The following TTYH1 variants were observed in gnomAD, a reference collection of about 807,000 sequenced individuals.
TTYH1 encodes tweety family member 1.
In TTYH1, 33 loss-of-function variants were observed where a neutral mutation model predicts 61.2. The observed-to-expected ratio is 0.54, with a 90% CI of 0.41 to 0.72. The LOEUF (loss-of-function observed/expected upper bound fraction) is 0.72, where lower values mean the gene tolerates loss of function less well. TTYH1 is among the 30% of genes least tolerant of loss of function. TTYH1 has a pLI of 0.00. For synonymous variants in TTYH1, 308 were observed against 266.4 expected (o/e 1.16, Z -1.52); for missense variants, 538 against 575.8 (o/e 0.93, Z 0.67).
Position 54,415,946 on chromosome 19 carries a change from G to T in TTYH1, c.126+268G>T. ...CCCTGAGTTCATGGAGAGGAGGGGA[G>T]GGGGGCCCGGATTCCCGGGTGTCTG... On this transcript the variant is annotated intron_variant, in intron 1 of 13. Coordinates refer to ENST00000376530, the MANE Select transcript of TTYH1 (RefSeq NM_020659.4). The surrounding 1 kb of genome is among the most constrained non-coding windows in gnomAD (Gnocchi z 5.2). 1 of 1,034,488 alleles carries T rather than the reference G, an allele frequency of 9.7e-7. No individual in the cohort carries two copies. The highest frequency in any genetic ancestry group is 1.4e-5 in the South Asian group (1 of 70,282). The allele number at this position is 1,034,488 out of a possible 1,614,324, so 64.1% of individuals were successfully genotyped here.
intron 4 of TTYH1, among the ~76,000 whole-genome samples, chr19:54,425,206 G>A (rs1048922514): frequency 6.6e-6 from 1 of 152,246 alleles, no homozygotes; most frequent in Non-Finnish European, 1.5e-5. Context: ...TGGACACCCT[G>A]CCGGATCCGG....
chr19:54,419,337 G>A lies in TTYH1; in HGVS notation c.305+31G>A, dbSNP rs1463436825. ...GGGGCCCCAGGGTGGGTGGGCGGTG[G>A]GGACAGGGCTCCCCAAGCTCTTTGC... is the stretch of plus-strand genomic sequence containing the variant. On this transcript the variant is annotated intron_variant, in intron 2 of 13. Coordinates refer to ENST00000376530, the MANE Select transcript of TTYH1 (RefSeq NM_020659.4). The surrounding 1 kb of genome is among the most constrained non-coding windows in gnomAD (Gnocchi z 6.1). 6.3e-7 allele frequency: 1 copy of A among 1,575,368 alleles called. No homozygotes were observed. Among genetic ancestry groups the A allele is most frequent in the South Asian group, 1.1e-5 (1 of 88,738 alleles).
chr19:54,429,428 A>G lies in TTYH1; in HGVS notation c.807+49A>G. ...GGGCTCTGGGACTCAGGGGGCCTGGAGACTTCAACTTCTGGATCTCGGGAT... is the reference window on the plus strand; with the variant it reads ...GGGCTCTGGGACTCAGGGGGCCTGGGGACTTCAACTTCTGGATCTCGGGAT... On this transcript the variant is annotated intron_variant, in intron 6 of 13. Transcript: ENST00000376530. This position sits in a 1 kb window ranked among gnomAD's most constrained non-coding sequence, Gnocchi z 5.1. 1 of 1,543,686 alleles carries G rather than the reference A, an allele frequency of 6.5e-7. No individual in the cohort carries two copies. Among genetic ancestry groups the G allele is most frequent in the South Asian group, 1.1e-5 (1 of 89,626 alleles).
intron 7 of TTYH1, among the ~76,000 whole-genome samples, chr19:54,430,319 C>G (rs754445732): frequency 6.6e-6 from 1 of 152,150 alleles, no homozygotes. Flanking sequence ...TGGGGAGCAC[C>G]ATTTAGTCAG....
intron 10 of TTYH1, chr19:54,433,001 G>A (rs1005896796): frequency 6.6e-6 from 1 of 152,186 alleles, no homozygotes; most frequent in Non-Finnish European, 1.5e-5. Flanking sequence ...CAGAATTGCT[G>A]ACTATTGAGC....
Position 54,422,408 on chromosome 19 carries a change from C to G in TTYH1, c.636C>G (p.Tyr212Ter). ...VAENVSFVEE[Y>*]RWLAYVLLLL... ...AAAATGTGTCCTTTGTGGAGGAGTA[C>G]AGGTGAGACGCTGCTCTTCTTGCTC... is the stretch of plus-strand genomic sequence containing the variant. Residue 212 changes from tyrosine (Y) to a stop codon, truncating the protein, a stop_gained and splice_region_variant, in exon 4 of 14, where the codon TAC (tyrosine) becomes TAG (stop). Transcript: ENST00000376530. LOFTEE classifies it high-confidence loss of function. 1 of 1,541,628 alleles carries G rather than the reference C, an allele frequency of 6.5e-7. No homozygotes were observed. The highest frequency in any genetic ancestry group is 8.8e-7 in the Non-Finnish European group (1 of 1,139,864).
rs1278299311 is a variant in TTYH1 at position 54,419,315 on chromosome 19, G to A, written c.305+9G>A. ...GCCCTTCTCGCCGGCTGGTAATGGGGCCCCAGGGTGGGTGGGCGGTGGGGA... is the reference window on the plus strand; with the variant it reads ...GCCCTTCTCGCCGGCTGGTAATGGGACCCCAGGGTGGGTGGGCGGTGGGGA... On this transcript the variant is annotated intron_variant, in intron 2 of 13. Coordinates refer to ENST00000376530, the MANE Select transcript of TTYH1 (RefSeq NM_020659.4). The surrounding 1 kb of genome is among the most constrained non-coding windows in gnomAD (Gnocchi z 6.1). 1 of 1,542,928 alleles carries A rather than the reference G, an allele frequency of 6.5e-7. No homozygotes were observed.
chr19:54,417,051 G>A, intron 1 of TTYH1: 3 of 743,470 alleles, frequency 4.0e-6, no homozygotes, highest in Non-Finnish European at 5.5e-6. Context: ...CGCGACCACC[G>A]TGGGTACAGC....
intron 4 of TTYH1, among the ~76,000 whole-genome samples, chr19:54,425,712 C>CT (rs57839696): frequency 1.4e-5 from 2 of 146,626 alleles, no homozygotes; most frequent in Admixed American, 6.8e-5. Flanking sequence ...TAAGGATTAA[C>CT]TTTTTTTTTT....
At chr19:54,423,181 T>C (rs1441733057) in intron 4 of TTYH1, among the ~76,000 whole-genome samples, 1 of 151,478 alleles carries the variant, frequency 6.6e-6, no homozygotes, top group Non-Finnish European at 1.5e-5. Context: ...GTGTGACATG[T>C]GTATTTGTTC....
chr19:54,433,773 G>C (rs891450032), intron 10 of TTYH1: 1 of 151,714 alleles, frequency 6.6e-6, no homozygotes, highest in African/African-American at 2.4e-5. Flanking sequence ...GAGGGCACTG[G>C]AGCCTAAGAG....
At position 54,429,182 on chromosome 19, in the gene TTYH1, T is replaced by A; in HGVS notation, c.735-125T>A. Reference sequence around the variant, plus strand: ...AACCACTGAACTTGTGTTTCCCTAATTCTGATCCTCCAGGCTCCAGAGGTG... The same window carrying A: ...AACCACTGAACTTGTGTTTCCCTAAATCTGATCCTCCAGGCTCCAGAGGTG... On this transcript the variant is annotated intron_variant, in intron 5 of 13. Transcript: ENST00000376530. This position sits in a 1 kb window ranked among gnomAD's most constrained non-coding sequence, Gnocchi z 5.1. 3 of 859,494 alleles carry A rather than the reference T, an allele frequency of 3.5e-6. No individual in the cohort carries two copies. Among genetic ancestry groups the A allele is most frequent in the Non-Finnish European group, 1.9e-6 (1 of 523,318 alleles). The allele number at this position is 859,494 out of a possible 1,614,324, so 53.2% of individuals were successfully genotyped here. A position where few individuals can be genotyped will look rare whatever the true frequency, so the allele number is the denominator to read the frequency against.
Position 54,430,611 on chromosome 19 carries a change from G to A in TTYH1, c.939+6G>A, listed in dbSNP as rs372543737. On this transcript the variant is annotated splice_donor_region_variant and intron_variant, in intron 8 of 13. Coordinates refer to ENST00000376530, the MANE Select transcript of TTYH1 (RefSeq NM_020659.4). ...TCTCCAACCCCTTCCAACAGGTTAG[G>A]GCTGCGGGCAGGGGAAACGGGTGTT... The A allele has an allele frequency of 3.1e-6, 5 of 1,613,916 alleles. No individual in the cohort carries two copies. In the African/African-American group the frequency reaches 5.3e-5, roughly 17 times the overall value.
At chr19:54,417,709 T>G (rs982953045) in intron 1 of TTYH1, among the ~76,000 whole-genome samples, 5 of 149,944 alleles carry the variant, frequency 3.3e-5, no homozygotes, top group Admixed American at 3.3e-4. Context: ...GTACATTCCA[T>G]TCACATCTAC....
In TTYH1 at chr19:54,435,859, C is replaced by A. The variant is rs200223749; in HGVS notation, c.1300C>A (p.Pro434Thr). The A allele has an allele frequency of 9.4e-5, 152 of 1,611,176 alleles. No individual in the cohort carries two copies. In the African/African-American group the frequency reaches 1.7e-3, roughly 18 times the overall value. ...DDYDDTDDDD[P>T]FNPQESKRFV... ...CTACGATGACACAGACGATGACGAC[C>A]CTTTCAACCCTCAGGTACTGGATGC... Residue 434 changes from proline (P) to threonine (T), a missense_variant, in exon 12 of 14, where the codon CCT becomes ACT. Physicochemically the swap from Pro to Thr is conservative, Grantham distance 38 (BLOSUM62 -1). This residue lies in a region of TTYH1 where 378 missense variants were observed against 401.2 expected (regional missense o/e 0.94). Transcript: ENST00000376530.
At chr19:54,431,277 C>A in intron 10 of TTYH1, 86 bp downstream of exon 10, 1 of 873,314 alleles carries the variant, frequency 1.1e-6, no homozygotes, top group Non-Finnish European at 1.9e-6. Context: ...TCCTTGGACC[C>A]CTGCCATTGC....
Position 54,419,404 on chromosome 19 carries a change from G to C in TTYH1, c.305+98G>C. On this transcript the variant is annotated intron_variant, in intron 2 of 13. Coordinates refer to ENST00000376530, the MANE Select transcript of TTYH1 (RefSeq NM_020659.4). The surrounding 1 kb of genome is among the most constrained non-coding windows in gnomAD (Gnocchi z 6.1). Reference sequence around the variant, plus strand: ...GTCCTCCGGGGACATGGAGGAAGCAGACAGGAAGGAGGAAACTCCCTCGTC... The same window carrying C: ...GTCCTCCGGGGACATGGAGGAAGCACACAGGAAGGAGGAAACTCCCTCGTC... 1 of 1,314,450 alleles carries C rather than the reference G, an allele frequency of 7.6e-7. No homozygotes were observed. The allele number at this position is 1,314,450 out of a possible 1,614,324, so 81.4% of individuals were successfully genotyped here.
At chr19:54,423,347 G>A (rs146792412) in intron 4 of TTYH1, among the ~76,000 whole-genome samples, 35,978 of 151,696 alleles carry the variant, frequency 0.24, 4,862 homozygotes, top group Non-Finnish European at 0.32. Context: ...ACAGGCAGGC[G>A]CCACCACGCC....
In TTYH1 at chr19:54,436,056, C is replaced by T; in HGVS notation, c.1315-35C>T. 6.2e-7 allele frequency: 1 copy of T among 1,609,474 alleles called. No homozygotes were observed. The highest frequency in any genetic ancestry group is 8.5e-7 in the Non-Finnish European group (1 of 1,176,162). ...TACAAAGCCAATTCCCACTCCATTC[C>T]CTCCTCTCCCCCGCTACCCCGAATC... is the stretch of plus-strand genomic sequence containing the variant. On this transcript the variant is annotated intron_variant, in intron 12 of 13. Transcript: ENST00000376530. This position sits in a 1 kb window ranked among gnomAD's most constrained non-coding sequence, Gnocchi z 4.3.
Sources: gnomAD v4.1 joint callset for allele counts (sites outside exome capture counted in the v4.1 genomes callset) on GRCh38, gnomAD v4.1.1 for gene constraint, gnomAD v4.1.1 regional missense constraint, Gnocchi (gnomAD v3.1) non-coding constraint, MANE v1.5 for transcripts, NCBI Gene and HGNC (gene_info 2026-07-23, HGNC 2026-07-21) for gene names.